RWDD3: variants seen among roughly 807,000 people sequenced by gnomAD.
RWDD3 encodes RWD domain containing 3.
A neutral mutation model predicts 26.5 loss-of-function variants in RWDD3; 30 were observed. The ratio of observed to expected loss-of-function variants is 1.13; its 90% confidence interval spans 0.85 to 1.54. RWDD3 has a LOEUF of 1.54. Among genes scored for constraint, RWDD3 ranks in the 40% most tolerant of loss-of-function variants. The pLI is 0.00. For missense variants in RWDD3, 296 were observed against 309.1 expected, an observed-to-expected ratio of 0.96 and a Z score of 0.32; for synonymous variants, 113 against 114.5, an observed-to-expected ratio of 0.99 and a Z score of 0.09.
chr1:95,244,541 T>C lies in RWDD3; in HGVS notation c.416T>C (p.Leu139Ser). ...ACAAGCACGACCATGGATGATGGAT[T>C]GTGGATAACTCTTTTGCATTTAGAT... ...FSTSTTMDDG[L>S]WITLLHLDHM... The change falls in exon 2 of 4, where the codon TTG becomes TCG. Residue 139 changes from leucine (L) to serine (S), a missense_variant. Coordinates refer to ENST00000370202, the MANE Select transcript of RWDD3 (RefSeq NM_015485.5). 6.2e-7 allele frequency: 1 copy of C among 1,614,164 alleles called. No individual in the cohort carries two copies. The highest frequency in any genetic ancestry group is 8.5e-7 in the Non-Finnish European group (1 of 1,180,022).
rs1219788226 is a variant in RWDD3 at position 95,244,824 on chromosome 1, A to C, written c.573+126A>C. 14 of 1,040,226 alleles carry C rather than the reference A, an allele frequency of 1.3e-5. No individual in the cohort carries two copies. In the South Asian group the frequency reaches 2.1e-4, roughly 16 times the overall value. The allele number at this position is 1,040,226 out of a possible 1,614,324, so 64.4% of individuals were successfully genotyped here. On this transcript the variant is annotated intron_variant, in intron 2 of 3. Coordinates refer to ENST00000370202, the MANE Select transcript of RWDD3 (RefSeq NM_015485.5). ...AGATGTTTCTGCTTTCATTATTACA[A>C]TCTTAATGGATCTTCCTTTTCTTTT...
chr1:95,239,756 G>C, intron 1 of RWDD3: 1 of 1,261,720 alleles, frequency 7.9e-7, no homozygotes, highest in Non-Finnish European at 1.0e-6. Flanking sequence ...TTCACCCATT[G>C]CTATTCTGTT....
chr1:95,234,418 A>C, intron 1 of RWDD3, 103 bp downstream of exon 1: 1 of 1,017,776 alleles, frequency 9.8e-7, no homozygotes, highest in South Asian at 1.4e-5. Flanking sequence ...GCCTGGGCCC[A>C]CGTATGGGGA....
intron 1 of RWDD3, chr1:95,239,792 C>G: frequency 7.8e-7 from 1 of 1,285,260 alleles, no homozygotes; most frequent in South Asian, 1.2e-5. Context: ...GAAAATAACA[C>G]AGAGAAAAAT....
chr1:95,244,595 A>G lies in RWDD3; in HGVS notation c.470A>G (p.Lys157Arg). ...DHMRAKTKYV[K>R]IVEKWASDLR... ...ATGAGAGCAAAGACTAAATATGTCA[A>G]AATTGTGGAGAAGTGGGCTTCAGAT... is the stretch of plus-strand genomic sequence containing the variant. The change falls in exon 2 of 4, where the codon AAA (lysine) becomes AGA (arginine). Residue 157 changes from lysine to arginine, a missense_variant. Transcript: ENST00000370202. 1.2e-6 allele frequency: 2 copies of G among 1,614,200 alleles called. No individual in the cohort carries two copies. The highest frequency in any genetic ancestry group is 1.7e-6 in the Non-Finnish European group (2 of 1,180,036).
chr1:95,244,676 A>G lies in RWDD3; in HGVS notation c.551A>G (p.Gln184Arg). 1 of 1,613,394 alleles carries G rather than the reference A, an allele frequency of 6.2e-7. No homozygotes were observed. Reference sequence around the variant, plus strand: ...GGTAAAATAATACTGATTTTACTACAGGGAGACAGAAACAACCTCAAGGTG... The same window carrying G: ...GGTAAAATAATACTGATTTTACTACGGGGAGACAGAAACAACCTCAAGGTG... Reference protein sequence around the residue: ...FMGKIILILLQGDRNNLKEYL... With the variant: ...FMGKIILILLRGDRNNLKEYL... The change falls in exon 2 of 4, where the codon CAG becomes CGG. Residue 184 changes from glutamine (Q) to arginine (R), a missense_variant. Coordinates refer to ENST00000370202, the MANE Select transcript of RWDD3 (RefSeq NM_015485.5).
intron 1 of RWDD3, among the ~76,000 whole-genome samples, chr1:95,239,136 A>T (rs1181943078): frequency 6.6e-6 from 1 of 152,160 alleles, no homozygotes; most frequent in Admixed American, 6.5e-5. Flanking sequence ...TTTCTAGGGC[A>T]TAGATGTTTG....
At chr1:95,239,282 A>G (rs1680502315) in intron 1 of RWDD3, among the ~76,000 whole-genome samples, 1 of 152,192 alleles carries the variant, frequency 6.6e-6, no homozygotes, top group Admixed American at 6.5e-5. Flanking sequence ...AATAACCTTA[A>G]AGCAGATAGG....
intron 1 of RWDD3, among the ~76,000 whole-genome samples, chr1:95,241,085 G>A (rs114776859): frequency 6.6e-6 from 1 of 151,786 alleles, no homozygotes; most frequent in Admixed American, 6.6e-5. Flanking sequence ...CACAAGACCA[G>A]TGATAGAGTT....
intron 2 of RWDD3, 129 bp downstream of exon 2, chr1:95,244,827 T>G: frequency 9.8e-7 from 1 of 1,016,044 alleles, no homozygotes; most frequent in Non-Finnish European, 1.4e-6. Context: ...TATTACAATC[T>G]TAATGGATCT....
At chr1:95,241,078 A>G (rs1680598767) in intron 1 of RWDD3, among the ~76,000 whole-genome samples, 1 of 151,760 alleles carries the variant, frequency 6.6e-6, no homozygotes, top group South Asian at 2.1e-4. Context: ...AAACAAGCAC[A>G]AGACCAGTGA....
intron 1 of RWDD3, among the ~76,000 whole-genome samples, chr1:95,238,330 T>A (rs1680452949): frequency 6.6e-6 from 1 of 152,202 alleles, no homozygotes; most frequent in Non-Finnish European, 1.5e-5. Flanking sequence ...CTAAATCTGC[T>A]CAGCTCGGTT....
chr1:95,245,295 ATCT>A (rs1338312539), intron 2 of RWDD3, among the ~76,000 whole-genome samples: 3 of 152,148 alleles, frequency 2.0e-5, no homozygotes, highest in Admixed American at 6.5e-5. Context: ...CAAAATCATC[ATCT>A]TCTTCAGATT....
At chr1:95,235,233 T>TA (rs1482696108) in intron 1 of RWDD3, among the ~76,000 whole-genome samples, 4 of 148,182 alleles carry the variant, frequency 2.7e-5, no homozygotes, top group Admixed American at 6.7e-5. Flanking sequence ...TTTTTTTTTT[T>TA]AGTAGAGACA....
intron 1 of RWDD3, chr1:95,243,160 T>C (rs1463768613): frequency 1.3e-5 from 2 of 152,226 alleles, no homozygotes; most frequent in African/African-American, 4.8e-5. Context: ...CTGTAACAGA[T>C]GTGTCTGGTC....
At chr1:95,243,234 A>C (rs1680707700) in intron 1 of RWDD3, 1 of 152,210 alleles carries the variant, frequency 6.6e-6, no homozygotes, top group Non-Finnish European at 1.5e-5. Flanking sequence ...CTCAGGAAAC[A>C]ATTTTAATGT....
At chr1:95,246,341 T>TA in intron 2 of RWDD3, 1 of 416,350 alleles carries the variant, frequency 2.4e-6, no homozygotes, top group Non-Finnish European at 4.3e-6. Context: ...GGAGTTGGAT[T>TA]ATATTGTTCT....
At chr1:95,235,782 A>G (rs1054592199) in intron 1 of RWDD3, among the ~76,000 whole-genome samples, 2 of 152,072 alleles carry the variant, frequency 1.3e-5, no homozygotes, top group Non-Finnish European at 2.9e-5. Context: ...CATGGCCTCT[A>G]GGAGCTTACA....
chr1:95,234,256 T>G lies in RWDD3; in HGVS notation c.26T>G (p.Leu9Arg). 4.4e-6 allele frequency: 7 copies of G among 1,596,788 alleles called. No homozygotes were observed. Among genetic ancestry groups the G allele is most frequent in the Non-Finnish European group, 6.0e-6 (7 of 1,172,304 alleles). Residue 9 changes from leucine to arginine, a missense_variant, in exon 1 of 4, where the codon CTC (leucine) becomes CGC (arginine). By Grantham distance (102) the Leu-to-Arg change is moderately radical. Coordinates refer to ENST00000370202, the MANE Select transcript of RWDD3 (RefSeq NM_015485.5). MAEPVQEE[L>R]SVLAAIFCRP... Reference sequence around the variant, plus strand: ...ATGGCGGAGCCTGTGCAGGAGGAGCTCTCGGTCCTGGCCGCGATTTTCTGC... The same window carrying G: ...ATGGCGGAGCCTGTGCAGGAGGAGCGCTCGGTCCTGGCCGCGATTTTCTGC...
Sources: gnomAD v4.1 joint callset for allele counts (sites outside exome capture counted in the v4.1 genomes callset) on GRCh38, gnomAD v4.1.1 for gene constraint, MANE v1.5 for transcripts, NCBI Gene and HGNC (gene_info 2026-07-23, HGNC 2026-07-21) for gene names.